Variants in KCNQ5 observed in about 807,000 individuals in gnomAD.
KCNQ5 encodes potassium voltage-gated channel subfamily KQT member 5.
A neutral mutation model predicts 98.2 loss-of-function variants in KCNQ5; 30 were observed. That is an observed-to-expected ratio of 0.31 (90% CI 0.23 to 0.41). KCNQ5 has a LOEUF of 0.41. KCNQ5 is among the 10% of genes least tolerant of loss of function. KCNQ5 has a pLI of 1.00. For missense variants in KCNQ5, 835 were observed against 1,182.5 expected (o/e 0.71, Z 4.31); for synonymous variants, 458 against 449.4 (o/e 1.02, Z -0.24).
intron 10 of KCNQ5, among the ~76,000 whole-genome samples, chr6:73,156,314 T>C (rs1454957733): frequency 6.6e-6 from 1 of 152,246 alleles, no homozygotes; most frequent in African/African-American, 2.4e-5. Flanking sequence ...AATCATCACA[T>C]ACTTTATTTA....
At chr6:72,831,895 G>A (rs1261158015) in intron 1 of KCNQ5, among the ~76,000 whole-genome samples, 1 of 151,966 alleles carries the variant, frequency 6.6e-6, no homozygotes, top group East Asian at 1.9e-4. Flanking sequence ...TAAAGGCTGG[G>A]AAACATGAAT....
At chr6:73,110,913 T>C (rs1376899549) in intron 6 of KCNQ5, among the ~76,000 whole-genome samples, 1 of 152,210 alleles carries the variant, frequency 6.6e-6, no homozygotes, top group Non-Finnish European at 1.5e-5. Context: ...GAAATTCATG[T>C]TCTCTACATT....
chr6:73,176,041 G>A (rs536478352), intron 11 of KCNQ5, among the ~76,000 whole-genome samples: 1 of 152,324 alleles, frequency 6.6e-6, no homozygotes, highest in Admixed American at 6.5e-5. Flanking sequence ...GGACAAGGAT[G>A]AGGAGAGTAA....
rs932754371 is a variant in KCNQ5, at chr6:72,709,836, G to A, written c.398+87249G>A. Among the ~76,000 whole-genome samples, 26 of 152,172 alleles carry A rather than the reference G, an allele frequency of 1.7e-4. 1 individual carries two copies. The highest frequency in any genetic ancestry group is 1.0e-3 in the South Asian group (5 of 4,816). ...TTTATTAAAAAAATGTATATTGAGCGCTCCCTGTGTTATGAATCTGTACTA... is the reference window on the plus strand; with the variant it reads ...TTTATTAAAAAAATGTATATTGAGCACTCCCTGTGTTATGAATCTGTACTA... On this transcript the variant is annotated intron_variant, in intron 1 of 13. Transcript: ENST00000370398.
chr6:73,155,267 C>A (rs929014358), intron 10 of KCNQ5, among the ~76,000 whole-genome samples: 1 of 152,198 alleles, frequency 6.6e-6, no homozygotes, highest in East Asian at 1.9e-4. Flanking sequence ...TACATGTAGG[C>A]TGAAATTAAA....
intron 1 of KCNQ5, among the ~76,000 whole-genome samples, chr6:72,935,064 C>CTTTTT (rs59215198): frequency 2.1e-3 from 207 of 99,156 alleles, no homozygotes; most frequent in Non-Finnish European, 2.7e-3. Context: ...CTTGTTCTAT[C>CTTTTT]TTTTTTTTTT....
At chr6:73,137,350 C>G (rs1361362027) in intron 10 of KCNQ5, among the ~76,000 whole-genome samples, 1 of 152,134 alleles carries the variant, frequency 6.6e-6, no homozygotes, top group Non-Finnish European at 1.5e-5. Flanking sequence ...CAGGCAGATG[C>G]TGAAGCCACA....
intron 10 of KCNQ5, among the ~76,000 whole-genome samples, chr6:73,161,164 G>A (rs1777603559): frequency 6.6e-6 from 1 of 152,196 alleles, no homozygotes; most frequent in Non-Finnish European, 1.5e-5. Context: ...GCAGCAACAT[G>A]GATAGGACTG....
intron 2 of KCNQ5, among the ~76,000 whole-genome samples, chr6:73,005,264 G>T (rs1325903659): frequency 6.6e-6 from 1 of 152,160 alleles, no homozygotes; most frequent in East Asian, 1.9e-4. Context: ...TAGAAAGTAG[G>T]CTTTTAACCT....
chr6:72,839,680 C>A (rs1023763079), intron 1 of KCNQ5, among the ~76,000 whole-genome samples: 1 of 152,112 alleles, frequency 6.6e-6, no homozygotes, highest in African/African-American at 2.4e-5. Flanking sequence ...TTTTGATTGA[C>A]AAATTATAAA....
intron 1 of KCNQ5, among the ~76,000 whole-genome samples, chr6:72,674,499 G>T (rs1050775875): frequency 2.6e-5 from 4 of 152,126 alleles, no homozygotes; most frequent in Admixed American, 1.3e-4. Flanking sequence ...GACCGGGTAT[G>T]GCGGCTCACA....
At chr6:72,922,434 C>T (rs1490016663) in intron 1 of KCNQ5, among the ~76,000 whole-genome samples, 1 of 151,994 alleles carries the variant, frequency 6.6e-6, no homozygotes, top group Admixed American at 6.6e-5. Flanking sequence ...CATTTAAAAT[C>T]TGCTCTCAGT....
intron 1 of KCNQ5, among the ~76,000 whole-genome samples, chr6:72,723,040 G>A (rs548218732): frequency 6.6e-6 from 1 of 151,938 alleles, no homozygotes; most frequent in East Asian, 1.9e-4. Context: ...TGTAGAGATG[G>A]GGTTTCACCT....
intron 1 of KCNQ5, among the ~76,000 whole-genome samples, chr6:72,854,087 C>T (rs187967784): frequency 4.1e-4 from 63 of 152,202 alleles, no homozygotes; most frequent in Admixed American, 3.6e-3. Context: ...ACCTAATAAA[C>T]GGATATACCA....
At chr6:72,665,212 G>A (rs1015441205) in intron 1 of KCNQ5, among the ~76,000 whole-genome samples, 1 of 151,922 alleles carries the variant, frequency 6.6e-6, no homozygotes. Flanking sequence ...GCCAGGCATG[G>A]TGGTGCACGC....
At chr6:73,055,778 C>G (rs754112140) in intron 3 of KCNQ5, 2 of 920,854 alleles carry the variant, frequency 2.2e-6, no homozygotes, top group Non-Finnish European at 3.6e-6. Context: ...CAAGCCCAGC[C>G]CACGCAGTTC....
chr6:72,826,297 A>G (rs1319060381), intron 1 of KCNQ5, among the ~76,000 whole-genome samples: 1 of 152,158 alleles, frequency 6.6e-6, no homozygotes, highest in Non-Finnish European at 1.5e-5. Context: ...TGCCATGGAG[A>G]GAAAAGAGAT....
rs117121417 is a variant in KCNQ5, at chr6:73,168,135, G to A, written c.1469-1611G>A. ...TCTCATCATCTCTTCCCGCACCACC[G>A]CCTGCATTACAGCACAAAAGTAAAC... is the stretch of plus-strand genomic sequence containing the variant. On this transcript the variant is annotated intron_variant, in intron 10 of 13. Coordinates refer to ENST00000370398, the MANE Select transcript of KCNQ5 (RefSeq NM_019842.4). 6.4e-3 allele frequency among the ~76,000 whole-genome samples: 968 copies of A among 152,142 alleles called. 10 individuals carry two copies. The highest frequency in any genetic ancestry group is 0.011 in the Non-Finnish European group (728 of 68,012).
intron 1 of KCNQ5, among the ~76,000 whole-genome samples, chr6:72,853,797 T>C (rs1777401018): frequency 6.6e-6 from 1 of 152,210 alleles, no homozygotes; most frequent in Admixed American, 6.5e-5. Flanking sequence ...TCATCAGTAG[T>C]ACCCTTTCCA....
Sources: gnomAD v4.1 joint callset for allele counts (sites outside exome capture counted in the v4.1 genomes callset) on GRCh38, gnomAD v4.1.1 for gene constraint, MANE v1.5 for transcripts, NCBI Gene and HGNC (gene_info 2026-07-23, HGNC 2026-07-21) for gene names.